IL19: variants seen among roughly 807,000 people sequenced by gnomAD.
The protein encoded by IL19 is interleukin 19.
IL19 carries 15 observed loss-of-function variants against 19.5 expected under a neutral mutation model. That is an observed-to-expected ratio of 0.77 (90% CI 0.52 to 1.19). The LOEUF is 1.19. Among genes scored for constraint, IL19 ranks in the 50% most tolerant of loss-of-function variants. The pLI is 0.00. For synonymous variants in IL19, 78 were observed against 78.3 expected (o/e 1.00, Z 0.02); for missense variants, 199 against 213.1 (o/e 0.93, Z 0.41).
At chr1:206,837,683 TACAAA>T (rs976482489) in intron 4 of IL19, among the ~76,000 whole-genome samples, 2 of 152,066 alleles carry the variant, frequency 1.3e-5, no homozygotes, top group East Asian at 3.9e-4. Context: ...ACCTCGTCTC[TACAAA>T]ACAAAACAAA....
Position 206,827,070 on chromosome 1 carries a change from G to A in IL19, c.-2-9591G>A, listed in dbSNP as rs1276382130. ...GTGGGATGGGGGAAAGAAATAACAG[G>A]TTTGTATGGAGTGTTATGAAAGAAT... On this transcript the variant is annotated intron_variant, in intron 2 of 6. Coordinates refer to ENST00000659997, the MANE Select transcript of IL19 (RefSeq NM_153758.5). Among the ~76,000 whole-genome samples the A allele has an allele frequency of 3.3e-5, 5 of 152,298 alleles. No individual in the cohort carries two copies. The South Asian group carries it at 6.2e-4, about 19-fold the overall frequency.
intron 1 of IL19, among the ~76,000 whole-genome samples, chr1:206,785,003 T>A (rs1675236831): frequency 6.6e-6 from 1 of 152,196 alleles, no homozygotes; most frequent in African/African-American, 2.4e-5. Flanking sequence ...TGGGTGCTGG[T>A]TCAGTCCCAG....
intron 2 of IL19, among the ~76,000 whole-genome samples, chr1:206,815,232 G>A (rs761363421): frequency 1.3e-5 from 2 of 152,162 alleles, no homozygotes; most frequent in Non-Finnish European, 2.9e-5. Flanking sequence ...GAGAGAAAAT[G>A]AGAAACTGAT....
chr1:206,806,085 T>C (rs11119603), intron 2 of IL19, among the ~76,000 whole-genome samples: 42,996 of 152,054 alleles, frequency 0.28, 6,830 homozygotes, highest in East Asian at 0.67. Context: ...ACCATTAACC[T>C]TGGGTTAATC....
chr1:206,799,735 A>C (rs1250827918), intron 2 of IL19, among the ~76,000 whole-genome samples: 1 of 152,192 alleles, frequency 6.6e-6, no homozygotes, highest in Non-Finnish European at 1.5e-5. Context: ...TATAGCCAGG[A>C]GACCAGGGTC....
chr1:206,842,662 C>G lies in IL19; in HGVS notation c.*40C>G, dbSNP rs781549106. ...TATAGTGATCCAGGGATGAACACCCCCTGTGCGGTTTACTGTGGGAGACAG... is the reference window on the plus strand; with the variant it reads ...TATAGTGATCCAGGGATGAACACCCGCTGTGCGGTTTACTGTGGGAGACAG... On this transcript the variant is annotated 3_prime_UTR_variant, in exon 7 of 7. Transcript: ENST00000659997. The G allele has an allele frequency of 3.8e-5, 48 of 1,263,180 alleles. No homozygotes were observed. The highest frequency in any genetic ancestry group is 4.5e-5 in the Non-Finnish European group (40 of 885,878). 78.2% of individuals were successfully genotyped at this position (1,263,180 alleles called of 1,614,324 possible).
At chr1:206,839,813 A>C in intron 4 of IL19, 37 bp from the exon 5 acceptor site, 1 of 1,567,912 alleles carries the variant, frequency 6.4e-7, no homozygotes, top group Non-Finnish European at 8.7e-7. Flanking sequence ...ATAATGAGAG[A>C]AGAGGCCTCT....
chr1:206,797,706 C>T (rs138595721), intron 1 of IL19, among the ~76,000 whole-genome samples: 2 of 152,294 alleles, frequency 1.3e-5, no homozygotes, highest in Non-Finnish European at 2.9e-5. Flanking sequence ...GGTTCCGTGG[C>T]CAAAGGAGGA....
Position 206,798,796 on chromosome 1 carries a change from C to A in IL19, c.-148-65C>A, listed in dbSNP as rs928858661. ...GTGTGCACTTTTGCCGACCTCAAAG[C>A]CACCAGAAGGAGGGAGCTGAGTGTA... On this transcript the variant is annotated intron_variant, in intron 1 of 6. Transcript: ENST00000659997. 3 of 862,880 alleles carry A rather than the reference C, an allele frequency of 3.5e-6. No homozygotes were observed. The East Asian group carries it at 7.7e-5, about 22-fold the overall frequency. The allele number at this position is 862,880 out of a possible 1,614,324, so 53.5% of individuals were successfully genotyped here.
At chr1:206,772,486 C>A in intron 1 of IL19, 1 of 1,570,096 alleles carries the variant, frequency 6.4e-7, no homozygotes, top group Non-Finnish European at 8.8e-7. Context: ...GAGCAAGCCC[C>A]TGATGTGTAG....
chr1:206,837,394 A>G (rs576671798), intron 4 of IL19, among the ~76,000 whole-genome samples: 1 of 152,280 alleles, frequency 6.6e-6, no homozygotes, highest in South Asian at 2.1e-4. Flanking sequence ...GAATTTGGGC[A>G]GGATAAGATA....
At chr1:206,791,047 C>T (rs956186297) in intron 1 of IL19, among the ~76,000 whole-genome samples, 31 of 152,320 alleles carry the variant, frequency 2.0e-4, no homozygotes, top group African/African-American at 6.7e-4. Flanking sequence ...CACATCTGGT[C>T]AGTTTTACCA....
chr1:206,784,447 A>C (rs1235541896), intron 1 of IL19, among the ~76,000 whole-genome samples: 2 of 152,236 alleles, frequency 1.3e-5, no homozygotes, highest in African/African-American at 4.8e-5. Context: ...GCTTCTGCCC[A>C]GCCCTGGAAG....
At chr1:206,817,945 G>A (rs1558616960) in intron 2 of IL19, among the ~76,000 whole-genome samples, 3 of 151,930 alleles carry the variant, frequency 2.0e-5, no homozygotes, top group African/African-American at 4.8e-5. Flanking sequence ...AGTATTTTTA[G>A]TAGAGATGGG....
chr1:206,790,091 T>A (rs1675359738), intron 1 of IL19, among the ~76,000 whole-genome samples: 1 of 152,224 alleles, frequency 6.6e-6, no homozygotes, highest in Non-Finnish European at 1.5e-5. Context: ...AATGTGCTTT[T>A]AGTTTTTTGA....
intron 2 of IL19, chr1:206,829,008 C>A (rs565486565): frequency 1.7e-5 from 2 of 117,902 alleles, no homozygotes; most frequent in South Asian, 5.8e-4. Context: ...CCAACACATG[C>A]AGCTTTTTTT....
chr1:206,796,004 A>G (rs74148797), intron 1 of IL19, among the ~76,000 whole-genome samples: 16 of 151,296 alleles, frequency 1.1e-4, no homozygotes, highest in African/African-American at 3.9e-4. Flanking sequence ...ATGATTATGG[A>G]GGCTGAGAAG....
chr1:206,810,471 C>T (rs1675975289), intron 2 of IL19, among the ~76,000 whole-genome samples: 1 of 152,184 alleles, frequency 6.6e-6, no homozygotes, highest in Non-Finnish European at 1.5e-5. Flanking sequence ...ATCCATCCCC[C>T]AGAATGCCTA....
intron 2 of IL19, among the ~76,000 whole-genome samples, chr1:206,817,176 G>A (rs987712522): frequency 1.3e-5 from 2 of 152,098 alleles, no homozygotes; most frequent in Admixed American, 1.3e-4. Flanking sequence ...TCCACCATAT[G>A]TTTCATACTA....
Sources: allele counts gnomAD v4.1 joint callset (sites outside exome capture counted in the v4.1 genomes callset), GRCh38; gene constraint gnomAD v4.1.1; transcripts MANE v1.5; gene names NCBI Gene and HGNC (gene_info 2026-07-23, HGNC 2026-07-21).